The following TRPM1 variants were observed in gnomAD, a reference collection of about 807,000 sequenced individuals.
TRPM1 encodes transient receptor potential cation channel subfamily M member 1.
In TRPM1, 113 loss-of-function variants were observed where a neutral mutation model predicts 149.4. The observed-to-expected ratio is 0.76, with a 90% CI of 0.65 to 0.88. The LOEUF is 0.88. Among genes scored for constraint, TRPM1 ranks in the 40% least tolerant of loss-of-function variants. TRPM1 has a pLI of 0.00. For synonymous variants in TRPM1, 741 were observed against 759.5 expected, an observed-to-expected ratio of 0.98 and a Z score of 0.40; for missense variants, 1,976 against 2,038.7, an observed-to-expected ratio of 0.97 and a Z score of 0.59.
chr15:31,049,577 A>G, intron 12 of TRPM1, 68 bp from the exon 13 acceptor site: 1 of 1,582,480 alleles, frequency 6.3e-7, no homozygotes, highest in Non-Finnish European at 8.7e-7. Flanking sequence ...GGGCGACTGG[A>G]AACACAGAGG....
chr15:31,139,478 G>A (rs2036130956), intron 1 of TRPM1, among the ~76,000 whole-genome samples: 1 of 152,162 alleles, frequency 6.6e-6, no homozygotes, highest in Non-Finnish European at 1.5e-5. Context: ...GTGTCTGTAT[G>A]TCTATATGTG....
chr15:31,088,858 C>T (rs935142271), intron 1 of TRPM1, among the ~76,000 whole-genome samples: 1 of 91,888 alleles, frequency 1.1e-5, no homozygotes, highest in Non-Finnish European at 2.2e-5. Context: ...AGCCCTGCTG[C>T]GGGTATTGAC....
chr15:31,063,259 A>G lies in TRPM1; in HGVS notation c.824T>C (p.Val275Ala). 1 of 1,614,036 alleles carries G rather than the reference A, an allele frequency of 6.2e-7. No homozygotes were observed. The highest frequency in any genetic ancestry group is 1.1e-5 in the South Asian group (1 of 91,078). ...CACCACGTTAGGGCCCCCCTCCACC[A>G]CGAGACCCACGAGGGGCACGCCCTG... The part of the protein sequence containing the change: ...LGQGVPLVGL[V>A]VEGGPNVVSI... Residue 275 changes from valine to alanine, a missense_variant, in exon 8 of 28, where the codon GTG (valine) becomes GCG (alanine). Val to Ala is a moderately conservative substitution (Grantham distance 64). Around this residue, in one of 3 missense-constraint regions of TRPM1, gnomAD observed 1,332 missense variants for 1,347.1 expected, o/e 0.99. Transcript: ENST00000256552.
chr15:31,017,969 A>G (rs561773646), intron 27 of TRPM1, among the ~76,000 whole-genome samples: 1 of 152,348 alleles, frequency 6.6e-6, no homozygotes, highest in Admixed American at 6.5e-5. Context: ...TTTCCTAGGA[A>G]GGACTGAAAC....
At chr15:31,022,653 C>A (rs1207784981) in intron 27 of TRPM1, among the ~76,000 whole-genome samples, 1 of 152,178 alleles carries the variant, frequency 6.6e-6, no homozygotes. Context: ...GTGTCTTGAA[C>A]CTGGAGGGAG....
intron 16 of TRPM1, 52 bp downstream of exon 16, chr15:31,046,152 A>G (rs1596014032): frequency 1.3e-6 from 2 of 1,565,992 alleles, no homozygotes; most frequent in Non-Finnish European, 1.8e-6. Flanking sequence ...TAAAAGGGCT[A>G]TGTATATTTG....
intron 1 of TRPM1, among the ~76,000 whole-genome samples, chr15:31,111,255 C>T (rs1009343226): frequency 3.3e-5 from 5 of 152,106 alleles, no homozygotes; most frequent in Admixed American, 6.6e-5. Flanking sequence ...CTCATTAATC[C>T]GCAACTCCAC....
At chr15:31,082,908 AG>A in intron 1 of TRPM1, among the ~76,000 whole-genome samples, 1 of 152,070 alleles carries the variant, frequency 6.6e-6, no homozygotes, top group Non-Finnish European at 1.5e-5. Context: ...TGGGAGCTGG[AG>A]TGGAATGAAG....
intron 12 of TRPM1, 104 bp downstream of exon 12, chr15:31,050,305 C>A: frequency 6.4e-7 from 1 of 1,558,914 alleles, no homozygotes. Context: ...ACCCGTCCCT[C>A]CTGGGATCAG....
At chr15:31,100,224 G>C (rs979875500) in intron 1 of TRPM1, among the ~76,000 whole-genome samples, 10 of 151,552 alleles carry the variant, frequency 6.6e-5, no homozygotes, top group Admixed American at 6.6e-4. Context: ...CTACAGGCGC[G>C]CACTACCATG....
chr15:31,115,117 G>T (rs896321997), intron 1 of TRPM1, among the ~76,000 whole-genome samples: 1 of 152,102 alleles, frequency 6.6e-6, no homozygotes, highest in African/African-American at 2.4e-5. Flanking sequence ...CATTAGTCGA[G>T]CATGGTGGCG....
chr15:31,079,412 C>A (rs2034797502), intron 2 of TRPM1, among the ~76,000 whole-genome samples: 1 of 152,244 alleles, frequency 6.6e-6, no homozygotes, highest in Non-Finnish European at 1.5e-5. Context: ...CGTTTCCAGG[C>A]TCACTCATGT....
At position 31,040,227 on chromosome 15, in the gene TRPM1, A is replaced by G. The variant is rs1341444637; in HGVS notation, c.2207T>C (p.Leu736Pro). 6.2e-7 allele frequency: 1 copy of G among 1,614,092 alleles called. No individual in the cohort carries two copies. Among genetic ancestry groups the G allele is most frequent in the African/African-American group, 1.3e-5 (1 of 74,932 alleles). ...GTCCCGGTGTTTGGCTGCCACGGCC[A>G]GTTTGAGGCAGGTCGAGTTGCTCCA... ...KNWSNSTCLKLAVAAKHRDFI... is the reference protein window; with the variant it reads ...KNWSNSTCLKPAVAAKHRDFI... Residue 736 changes from leucine (L) to proline (P), a missense_variant, in exon 18 of 28, where the codon CTG becomes CCG. Around this residue, in one of 3 missense-constraint regions of TRPM1, gnomAD observed 1,332 missense variants for 1,347.1 expected, o/e 0.99. Coordinates refer to ENST00000256552, the MANE Select transcript of TRPM1 (RefSeq NM_001252024.2). The surrounding 1 kb of genome is among the most constrained non-coding windows in gnomAD (Gnocchi z 4.2).
intron 1 of TRPM1, among the ~76,000 whole-genome samples, chr15:31,112,881 CAA>C (rs1376111629): frequency 3.3e-5 from 5 of 152,224 alleles, no homozygotes; most frequent in Non-Finnish European, 5.9e-5. Context: ...CAGCATTCCT[CAA>C]ACTCATTTGC....
At chr15:31,035,916 C>T in intron 20 of TRPM1, 2 of 575,028 alleles carry the variant, frequency 3.5e-6, no homozygotes, top group East Asian at 6.2e-5. Flanking sequence ...TACATGGAGA[C>T]ATATTGGTTG....
chr15:31,104,120 G>A (rs1167231679), upstream of TRPM1, among the ~76,000 whole-genome samples: 1 of 152,130 alleles, frequency 6.6e-6, no homozygotes, highest in African/African-American at 2.4e-5. Flanking sequence ...CACCGTGAAG[G>A]GTGGATACTG....
At position 31,035,668 on chromosome 15, in the gene TRPM1, A is replaced by G; in HGVS notation, c.2578T>C (p.Tyr860His). 1.2e-6 allele frequency: 2 copies of G among 1,614,240 alleles called. No homozygotes were observed. Among genetic ancestry groups the G allele is most frequent in the East Asian group, 2.2e-5 (1 of 44,888 alleles). Residue 860 changes from tyrosine (Y) to histidine (H), a missense_variant, in exon 21 of 28, where the codon TAC becomes CAC. By Grantham distance (83) the Tyr-to-His change is moderately conservative (BLOSUM62 2). This residue lies in a region of TRPM1 where 1,332 missense variants were observed against 1,347.1 expected (regional missense o/e 0.99). Transcript: ENST00000256552. Reference protein sequence around the residue: ...IVKFWFYTISYLGYLLLFNYV... With the variant: ...IVKFWFYTISHLGYLLLFNYV... Reference sequence around the variant, plus strand: ...TTAAACAGCAGCAGGTAGCCCAAGTATGATATCTGAAAGAAAGACAAGCTG... The same window carrying G: ...TTAAACAGCAGCAGGTAGCCCAAGTGTGATATCTGAAAGAAAGACAAGCTG...
intron 16 of TRPM1, among the ~76,000 whole-genome samples, chr15:31,044,967 T>A (rs2033723124): frequency 6.6e-6 from 1 of 152,026 alleles, no homozygotes; most frequent in African/African-American, 2.4e-5. Flanking sequence ...AAGCCTGAAA[T>A]GTACTTATAT....
chr15:31,116,685 A>G (rs554887708), intron 1 of TRPM1, among the ~76,000 whole-genome samples: 3 of 152,276 alleles, frequency 2.0e-5, no homozygotes, highest in African/African-American at 7.2e-5. Flanking sequence ...AGGCTTCTGT[A>G]TAATTCCAGA....
Sources: gnomAD v4.1 joint callset for allele counts (sites outside exome capture counted in the v4.1 genomes callset) on GRCh38, gnomAD v4.1.1 for gene constraint, gnomAD v4.1.1 regional missense constraint, Gnocchi (gnomAD v3.1) non-coding constraint, MANE v1.5 for transcripts, NCBI Gene and HGNC (gene_info 2026-07-23, HGNC 2026-07-21) for gene names.